Variants in SHE observed in about 807,000 individuals in gnomAD.
The protein encoded by SHE is SH2 domain-containing adapter protein E.
A neutral mutation model predicts 49.8 loss-of-function variants in SHE; 11 were observed. The ratio of observed to expected loss-of-function variants is 0.22; its 90% CI spans 0.14 to 0.37. SHE has a LOEUF of 0.37. Ranked by LOEUF, SHE falls within the 10% of genes least tolerant of loss-of-function variation. SHE has a pLI of 1.00. For synonymous variants in SHE, 310 were observed against 278.1 expected (o/e 1.11, Z -1.14); for missense variants, 624 against 655.5 (o/e 0.95, Z 0.52).
At chr1:154,474,052 G>C (rs1691817054) in intron 1 of SHE, among the ~76,000 whole-genome samples, 1 of 152,204 alleles carries the variant, frequency 6.6e-6, no homozygotes, top group Non-Finnish European at 1.5e-5. Context: ...TTGCCATGGG[G>C]CTCCGGCCCC....
At chr1:154,479,316 G>C (rs1691959870), downstream of SHE, among the ~76,000 whole-genome samples, 1 of 152,168 alleles carries the variant, frequency 6.6e-6, no homozygotes, top group South Asian at 2.1e-4. Flanking sequence ...AATGTGAACA[G>C]AGTAAATAAA....
intron 1 of SHE, among the ~76,000 whole-genome samples, chr1:154,499,476 T>C (rs537356985): frequency 6.6e-6 from 1 of 152,196 alleles, no homozygotes; most frequent in South Asian, 2.1e-4. Flanking sequence ...CAAGGCTCTT[T>C]ATACCTCCCT....
At position 154,483,613 on chromosome 1, in the gene SHE, G is replaced by A. The variant is rs1692081722; in HGVS notation, c.*536C>T. Reference sequence around the variant, plus strand: ...CCCTACCCCAGAGCTGGAGGCAACAGCTAAATCATGATTTCTTATTGTAGA... The same window carrying A: ...CCCTACCCCAGAGCTGGAGGCAACAACTAAATCATGATTTCTTATTGTAGA... On this transcript the variant is annotated 3_prime_UTR_variant, in exon 6 of 6. Transcript: ENST00000304760. The A allele has an allele frequency of 1.0e-6, 1 of 985,972 alleles. No individual in the cohort carries two copies. The highest frequency in any genetic ancestry group is 1.2e-6 in the Non-Finnish European group (1 of 830,368). The allele number at this position is 985,972 out of a possible 1,614,324, so 61.1% of individuals were successfully genotyped here.
chr1:154,491,266 G>C (rs1218382263), intron 2 of SHE, among the ~76,000 whole-genome samples: 1 of 152,144 alleles, frequency 6.6e-6, no homozygotes, highest in Admixed American at 6.5e-5. Flanking sequence ...CACTGAGAAC[G>C]GCATGGGAGG....
At chr1:154,475,676 T>C (rs905629313), downstream of SHE, among the ~76,000 whole-genome samples, 2 of 152,266 alleles carry the variant, frequency 1.3e-5, no homozygotes, top group Non-Finnish European at 2.9e-5. Context: ...AAAAATTGTT[T>C]ATTAAAATGT....
In SHE at chr1:154,482,693, T is replaced by C; in HGVS notation, c.*1456A>G. On this transcript the variant is annotated 3_prime_UTR_variant, in exon 6 of 6. Coordinates refer to ENST00000304760, the MANE Select transcript of SHE (RefSeq NM_001010846.3). ...TCTCACAGTATGCCATTCCCATGGT[T>C]TTTTTCACAGTAAATAAACTGGTGA... 3 of 985,416 alleles carry C rather than the reference T, an allele frequency of 3.0e-6. No individual in the cohort carries two copies. Among genetic ancestry groups the C allele is most frequent in the Non-Finnish European group, 3.6e-6 (3 of 829,934 alleles). 61.0% of individuals were successfully genotyped at this position (985,416 alleles called of 1,614,324 possible).
At position 154,501,804 on chromosome 1, in the gene SHE, C is replaced by T; in HGVS notation, c.223G>A (p.Gly75Arg). ...TTGCGGCCCTTGCCAGGACCCGGCC[C>T]AGCGCCGCCCGCCTCCGAGTTCTTG... is the stretch of plus-strand genomic sequence containing the variant. ...LRKNSEAGGA[G>R]PGPGKGRKNS... Residue 75 changes from glycine (G) to arginine (R), a missense_variant, in exon 1 of 6, where the codon GGG becomes AGG. Gly to Arg is a moderately radical substitution (Grantham distance 125). Around this residue, in one of 4 missense-constraint regions of SHE, gnomAD observed 337 missense variants for 306.0 expected, o/e 1.10. Transcript: ENST00000304760. 1 of 1,552,578 alleles carries T rather than the reference C, an allele frequency of 6.4e-7. No individual in the cohort carries two copies. The highest frequency in any genetic ancestry group is 8.6e-7 in the Non-Finnish European group (1 of 1,156,754).
In SHE at chr1:154,483,485, G is replaced by C. The variant is rs1163479974; in HGVS notation, c.*664C>G. The C allele has an allele frequency of 1.0e-6, 1 of 985,266 alleles. No homozygotes were observed. Among genetic ancestry groups the C allele is most frequent in the East Asian group, 1.1e-4 (1 of 8,834 alleles). The allele number at this position is 985,266 out of a possible 1,614,324, so 61.0% of individuals were successfully genotyped here. ...CGTGGATTTTTTGTTGGTTTGTTTA[G>C]AGACCAGGTATTCCAGGTAACAAGT... is the stretch of plus-strand genomic sequence containing the variant. On this transcript the variant is annotated 3_prime_UTR_variant, in exon 6 of 6. Transcript: ENST00000304760.
intron 4 of SHE, 117 bp downstream of exon 4, chr1:154,486,410 T>C (rs1206635296): frequency 3.5e-6 from 5 of 1,408,956 alleles, no homozygotes; most frequent in Non-Finnish European, 4.8e-6. Context: ...AAAAACCCCA[T>C]CCAGGCAAGT....
chr1:154,482,827 G>C lies in SHE; in HGVS notation c.*1322C>G. On this transcript the variant is annotated 3_prime_UTR_variant, in exon 6 of 6. Transcript: ENST00000304760. ...AAACACTTCTGTATAGTACAAGGCAGTCTGCTTGGTACAGAACGAGAGAAT... is the reference window on the plus strand; with the variant it reads ...AAACACTTCTGTATAGTACAAGGCACTCTGCTTGGTACAGAACGAGAGAAT... 1 of 985,438 alleles carries C rather than the reference G, an allele frequency of 1.0e-6. No homozygotes were observed. Among genetic ancestry groups the C allele is most frequent in the Non-Finnish European group, 1.2e-6 (1 of 829,926 alleles). 61.0% of individuals were successfully genotyped at this position (985,438 alleles called of 1,614,324 possible). A position where few individuals can be genotyped will look rare whatever the true frequency, so the allele number is the denominator to read the frequency against.
intron 1 of SHE, among the ~76,000 whole-genome samples, chr1:154,471,004 A>G (rs944933652): frequency 7.1e-6 from 1 of 141,186 alleles, no homozygotes; most frequent in South Asian, 2.4e-4. Context: ...AGAGTGAGTG[A>G]GACTCCATCT....
intron 4 of SHE, 23 bp downstream of exon 4, chr1:154,486,504 A>G (rs776318536): frequency 6.2e-7 from 1 of 1,612,148 alleles, no homozygotes; most frequent in Middle Eastern, 1.8e-4. Context: ...TGTCTGTTAC[A>G]AGGATCTGAG....
rs142905292 is a variant in SHE at position 154,486,662 on chromosome 1, C to T, written c.1046G>A (p.Arg349Gln). The change falls in exon 4 of 6, where the codon CGA becomes CAA. Residue 349 changes from arginine to glutamine, a missense_variant. This residue lies in a region of SHE where 125 missense variants were observed against 181.7 expected (regional missense o/e 0.69). Coordinates refer to ENST00000304760, the MANE Select transcript of SHE (RefSeq NM_001010846.3). ...ALSVQFEGAE[R>Q]PSFREETVRQ... Reference sequence around the variant, plus strand: ...CACTGTCTCCTCCCTGAAGGAAGGTCGCTCAGCTCCTTCAAACTGGACTGG... The same window carrying T: ...CACTGTCTCCTCCCTGAAGGAAGGTTGCTCAGCTCCTTCAAACTGGACTGG... 171 of 1,613,992 alleles carry T rather than the reference C, an allele frequency of 1.1e-4. No individual in the cohort carries two copies. The Middle Eastern group carries it at 3.1e-3, about 29-fold the overall frequency.
At chr1:154,477,432 C>G (rs1301860410), downstream of SHE, among the ~76,000 whole-genome samples, 2 of 152,160 alleles carry the variant, frequency 1.3e-5, no homozygotes, top group East Asian at 3.9e-4. Flanking sequence ...TCTCGAACTC[C>G]TTCGCTCAAG....
chr1:154,475,541 T>C (rs1249614700), downstream of SHE, among the ~76,000 whole-genome samples: 1 of 152,232 alleles, frequency 6.6e-6, no homozygotes, highest in Non-Finnish European at 1.5e-5. Context: ...CCGGATTTGC[T>C]CTTTTTTCTT....
At chr1:154,501,345 T>G in intron 1 of SHE, 91 bp downstream of exon 1, 1 of 1,204,946 alleles carries the variant, frequency 8.3e-7, no homozygotes, top group Non-Finnish European at 1.2e-6. Context: ...CTATCCTCAC[T>G]GCCTCTTAGG....
At chr1:154,497,841 C>T (rs796445021) in intron 2 of SHE, among the ~76,000 whole-genome samples, 6 of 151,420 alleles carry the variant, frequency 4.0e-5, no homozygotes, top group African/African-American at 9.7e-5. Context: ...CCACCATGCC[C>T]GGCTAATTTT....
intron 5 of SHE, chr1:154,485,687 A>T (rs985004484): frequency 2.6e-5 from 10 of 389,176 alleles, no homozygotes; most frequent in African/African-American, 2.0e-4. Flanking sequence ...AGGTAATGTA[A>T]GGTAGACATT....
downstream of SHE, among the ~76,000 whole-genome samples, chr1:154,479,046 CA>C (rs1691954225): frequency 6.6e-6 from 1 of 152,154 alleles, no homozygotes; most frequent in African/African-American, 2.4e-5. Context: ...GCTGTGTATC[CA>C]AATCACCTGG....
Sources: gnomAD v4.1 joint callset for allele counts (sites outside exome capture counted in the v4.1 genomes callset) on GRCh38, gnomAD v4.1.1 for gene constraint, gnomAD v4.1.1 regional missense constraint, MANE v1.5 for transcripts, NCBI Gene and HGNC (gene_info 2026-07-23, HGNC 2026-07-21) for gene names.